CXCL13: variants seen among roughly 807,000 people sequenced by gnomAD.
CXCL13 encodes the protein C-X-C motif chemokine 13.
CXCL13 carries 7 observed loss-of-function variants against 12.2 expected under a neutral mutation model. The ratio of observed to expected loss-of-function variants is 0.57; its 90% CI spans 0.33 to 1.07. CXCL13 has a LOEUF of 1.07. Ranked by LOEUF, CXCL13 falls within the 50% of genes least tolerant of loss-of-function variation. The pLI, the probability that CXCL13 is intolerant of heterozygous loss-of-function variation, is 0.04. For synonymous variants in CXCL13, 47 were observed against 42.4 expected, an observed-to-expected ratio of 1.11 and a Z score of -0.42; for missense variants, 113 against 127.4, an observed-to-expected ratio of 0.89 and a Z score of 0.55.
chr4:77,605,688 G>A (rs533105682), upstream of CXCL13: 28 of 410,382 alleles, frequency 6.8e-5, no homozygotes, highest in African/African-American at 5.3e-4. Context: ...TGCAAGAGAA[G>A]TTTTAAAAAA....
chr4:77,574,420 C>T (rs1726159303), intron 1 of CXCL13, among the ~76,000 whole-genome samples: 1 of 151,852 alleles, frequency 6.6e-6, no homozygotes, highest in African/African-American at 2.4e-5. Context: ...ATCATGTTAC[C>T]TCACCTTTTT....
In CXCL13 at chr4:77,594,952, A is replaced by G. The variant is rs1217152545; in HGVS notation, c.-42-10872A>G. Among the ~76,000 whole-genome samples, 4 of 152,164 alleles carry G rather than the reference A, an allele frequency of 2.6e-5. No individual in the cohort carries two copies. The East Asian group carries it at 7.7e-4, about 29-fold the overall frequency. On this transcript the variant is annotated intron_variant, in intron 1 of 4. Coordinates refer to the CXCL13 transcript ENST00000286758. ...AATAATAAAAATTAGAAAATAAAAT[A>G]CAGAAAAATAGAGGGAAAAAAATTG...
At chr4:77,533,382 C>G (rs954721828) in intron 1 of CXCL13, among the ~76,000 whole-genome samples, 3 of 152,204 alleles carry the variant, frequency 2.0e-5, no homozygotes, top group African/African-American at 4.8e-5. Context: ...GCTGCCTGAT[C>G]GTTCCTCTGG....
intron 1 of CXCL13, among the ~76,000 whole-genome samples, chr4:77,521,791 A>C (rs1232965921): frequency 6.6e-6 from 1 of 151,760 alleles, no homozygotes; most frequent in Non-Finnish European, 1.5e-5. Context: ...TAGTTTTTTT[A>C]ATTGTGATGT....
chr4:77,599,523 G>A (rs1028744201), intron 1 of CXCL13, among the ~76,000 whole-genome samples: 3 of 152,206 alleles, frequency 2.0e-5, no homozygotes, highest in Admixed American at 6.5e-5. Flanking sequence ...AAGGAAGGCC[G>A]ACTGTATTCA....
upstream of CXCL13, among the ~76,000 whole-genome samples, chr4:77,601,840 A>C (rs183981365): frequency 6.6e-6 from 1 of 152,312 alleles, no homozygotes; most frequent in East Asian, 1.9e-4. Flanking sequence ...TGGCCTGGGG[A>C]AGTTAACAAG....
chr4:77,585,850 A>T (rs1726444361), intron 1 of CXCL13, among the ~76,000 whole-genome samples: 1 of 151,218 alleles, frequency 6.6e-6, no homozygotes, highest in Non-Finnish European at 1.5e-5. Context: ...AGGCCTCATC[A>T]TGAGGGATGA....
rs760516490 is a variant in CXCL13 at position 77,607,715 on chromosome 4, T to C, written c.77T>C (p.Val26Ala). ...SLSPVQGVLE[V>A]YYTSLRCRCV... is the part of the protein sequence containing the mutation. ...TGTTTACTTACAGGTGTTCTGGAGGTCTATTACACAAGCTTGAGGTGTAGA... is the reference window on the plus strand; with the variant it reads ...TGTTTACTTACAGGTGTTCTGGAGGCCTATTACACAAGCTTGAGGTGTAGA... The change falls in exon 2 of 4, where the codon GTC becomes GCC. Residue 26 changes from valine (V) to alanine (A), a missense_variant. Val to Ala is a moderately conservative substitution (Grantham distance 64). Transcript: ENST00000682537. 1.2e-6 allele frequency: 2 copies of C among 1,611,204 alleles called. No homozygotes were observed. The highest frequency in any genetic ancestry group is 1.7e-5 in the Admixed American group (1 of 59,722).
intron 1 of CXCL13, among the ~76,000 whole-genome samples, chr4:77,571,305 A>G (rs1726073140): frequency 6.6e-6 from 1 of 151,478 alleles, no homozygotes; most frequent in Admixed American, 6.6e-5. Flanking sequence ...AAATACACCA[A>G]TCAGCACCCT....
intron 1 of CXCL13, among the ~76,000 whole-genome samples, chr4:77,511,968 C>T (rs1396018516): frequency 6.6e-6 from 1 of 152,126 alleles, no homozygotes; most frequent in Non-Finnish European, 1.5e-5. Context: ...TGGAAGCCCC[C>T]AGAATCATTG....
chr4:77,538,147 T>C (rs1227135243), intron 1 of CXCL13, among the ~76,000 whole-genome samples: 3 of 152,250 alleles, frequency 2.0e-5, no homozygotes, highest in Non-Finnish European at 4.4e-5. Context: ...CTGGATATTT[T>C]AGTTGTCTTT....
rs963568424 is a variant in CXCL13, at chr4:77,550,351, C to G, written c.-43+38563C>G. On this transcript the variant is annotated intron_variant, in intron 1 of 4. Coordinates refer to the CXCL13 transcript ENST00000286758. ...TCTTACACTCAGTGGGCTGCTCCCA[C>G]TGTCCAGCCAGTCCCAATGAGACGA... 7.2e-5 allele frequency among the ~76,000 whole-genome samples: 11 copies of G among 152,194 alleles called. 1 individual carries two copies. The South Asian group carries it at 1.9e-3, about 26-fold the overall frequency.
At chr4:77,596,559 C>T (rs948583640) in intron 1 of CXCL13, among the ~76,000 whole-genome samples, 10 of 151,936 alleles carry the variant, frequency 6.6e-5, no homozygotes, top group Non-Finnish European at 5.9e-5. Flanking sequence ...CTGAGGTGGG[C>T]GAATCACCTG....
chr4:77,553,209 C>A (rs1488718264), intron 1 of CXCL13, among the ~76,000 whole-genome samples: 3 of 152,314 alleles, frequency 2.0e-5, no homozygotes, highest in South Asian at 4.1e-4. Context: ...TCTTCCTGCT[C>A]CAGGTCTGTG....
intron 1 of CXCL13, among the ~76,000 whole-genome samples, chr4:77,587,933 G>A (rs1169901662): frequency 6.6e-6 from 1 of 152,172 alleles, no homozygotes; most frequent in Non-Finnish European, 1.5e-5. Context: ...GGATGGGGAG[G>A]CAGCCCTCAC....
intron 1 of CXCL13, among the ~76,000 whole-genome samples, chr4:77,538,859 A>C (rs1380406263): frequency 2.0e-5 from 3 of 152,204 alleles, no homozygotes; most frequent in Non-Finnish European, 2.9e-5. Context: ...ATCGGCAGCC[A>C]ATCCATTTGG....
intron 1 of CXCL13, among the ~76,000 whole-genome samples, chr4:77,596,800 A>AG (rs1398298325): frequency 6.6e-6 from 1 of 151,560 alleles, no homozygotes; most frequent in Admixed American, 6.6e-5. Context: ...AAAAAAAAAA[A>AG]AAAGAAAAGA....
At chr4:77,511,842 C>T (rs2110075424) in intron 1 of CXCL13, 1 of 152,274 alleles carries the variant, frequency 6.6e-6, no homozygotes. Flanking sequence ...GGGTAACTTC[C>T]AGAGTTAATG....
chr4:77,577,369 C>T (rs1458307034), intron 1 of CXCL13, among the ~76,000 whole-genome samples: 7 of 152,096 alleles, frequency 4.6e-5, no homozygotes, highest in African/African-American at 1.4e-4. Flanking sequence ...CACCAAGACA[C>T]ATTTTTGGTC....
Sources: gnomAD v4.1 joint callset for allele counts (sites outside exome capture counted in the v4.1 genomes callset) on GRCh38, gnomAD v4.1.1 for gene constraint, MANE v1.5 for transcripts, NCBI Gene and HGNC (gene_info 2026-07-23, HGNC 2026-07-21) for gene names.